The following TNFRSF19 variants were observed in gnomAD, a reference collection of about 807,000 sequenced individuals.
The protein encoded by TNFRSF19 is TNF receptor superfamily member 19, also known as tumor necrosis factor receptor superfamily member 19.
TNFRSF19 carries 27 observed loss-of-function variants against 46.4 expected under a neutral mutation model. The observed-to-expected ratio is 0.58, with a 90% CI of 0.43 to 0.80. The LOEUF is 0.80. Ranked by LOEUF, TNFRSF19 falls within the 30% of genes least tolerant of loss-of-function variation. The pLI is 0.00. For synonymous variants in TNFRSF19, 204 were observed against 205.0 expected (o/e 1.00, Z 0.04); for missense variants, 511 against 530.8 (o/e 0.96, Z 0.37).
chr13:23,631,400 G>C (rs75945904), intron 5 of TNFRSF19, among the ~76,000 whole-genome samples: 4 of 152,048 alleles, frequency 2.6e-5, no homozygotes, highest in African/African-American at 9.7e-5. Context: ...TTGCCACTTC[G>C]GATATACTTT....
intron 5 of TNFRSF19, among the ~76,000 whole-genome samples, chr13:23,652,115 G>C (rs1173118920): frequency 6.6e-6 from 1 of 152,108 alleles, no homozygotes; most frequent in East Asian, 1.9e-4. Flanking sequence ...TGGTAGCTGT[G>C]ATGGTGTTGA....
At chr13:23,594,360 AT>A (rs1372964985) in intron 3 of TNFRSF19, 2 of 435,540 alleles carry the variant, frequency 4.6e-6, no homozygotes. Context: ...CTGGCTTGAA[AT>A]TCTCACTGCC....
intron 4 of TNFRSF19, among the ~76,000 whole-genome samples, chr13:23,617,975 G>A (rs756293105): frequency 2.6e-5 from 4 of 152,126 alleles, no homozygotes; most frequent in Non-Finnish European, 5.9e-5. Context: ...GTCTTGTTGA[G>A]GCCAGAGAGG....
chr13:23,589,977 TATAAA>T (rs1380625410), intron 1 of TNFRSF19, among the ~76,000 whole-genome samples, 168 bp from the exon 2 acceptor site: 2 of 152,300 alleles, frequency 1.3e-5, no homozygotes, highest in Middle Eastern at 3.4e-3. Flanking sequence ...TAATATGAGT[TATAAA>T]ATAATTATAT....
intron 1 of TNFRSF19, among the ~76,000 whole-genome samples, chr13:23,573,772 A>G (rs940840595): frequency 1.3e-5 from 2 of 152,106 alleles, no homozygotes; most frequent in Admixed American, 6.6e-5. Context: ...TTGAAAAAAT[A>G]TATCTTGGGG....
At chr13:23,634,163 G>A (rs565669167) in intron 5 of TNFRSF19, among the ~76,000 whole-genome samples, 1 of 152,282 alleles carries the variant, frequency 6.6e-6, no homozygotes, top group South Asian at 2.1e-4. Context: ...CCATAAAGTT[G>A]CTAAATATTT....
At chr13:23,624,248 CT>C (rs988798587) in intron 4 of TNFRSF19, among the ~76,000 whole-genome samples, 2 of 151,572 alleles carry the variant, frequency 1.3e-5, no homozygotes, top group African/African-American at 4.8e-5. Flanking sequence ...AGTTGTCTGT[CT>C]TTATGCCAGT....
intron 5 of TNFRSF19, among the ~76,000 whole-genome samples, chr13:23,654,197 C>G (rs750411344): frequency 2.6e-5 from 4 of 152,128 alleles, no homozygotes; most frequent in Non-Finnish European, 4.4e-5. Flanking sequence ...GGTTTTTAAA[C>G]ATTGCATAGT....
rs148702020 is a variant in TNFRSF19 at position 23,626,773 on chromosome 13, T to C, written c.426T>C (p.Pro142=). Residue 142 remains proline (P), a synonymous_variant, in exon 5 of 10, where the codon CCT becomes CCC. Coordinates refer to ENST00000248484, the MANE Select transcript of TNFRSF19 (RefSeq NM_148957.4). The part of the protein sequence containing the change: ...DMECVPCGDP[P]PPYEPHCASK... ...AGTGTGTGCCTTGTGGAGACCCTCC[T>C]CCTCCTTACGAACCGCACTGTGAGT... The C allele has an allele frequency of 2.1e-4, 334 of 1,614,126 alleles. No individual in the cohort carries two copies. In the African/African-American group the frequency reaches 4.0e-3, roughly 19 times the overall value.
At chr13:23,672,054 C>A (rs570955244) in intron 9 of TNFRSF19, among the ~76,000 whole-genome samples, 2 of 152,266 alleles carry the variant, frequency 1.3e-5, no homozygotes, top group African/African-American at 4.8e-5. Flanking sequence ...GGCCAAACAG[C>A]ACTTCTGTCT....
At chr13:23,646,139 C>G (rs572096576) in intron 5 of TNFRSF19, among the ~76,000 whole-genome samples, 1 of 151,968 alleles carries the variant, frequency 6.6e-6, no homozygotes, top group Non-Finnish European at 1.5e-5. Flanking sequence ...CAGTGCGGCA[C>G]CCCCCGGCCT....
intron 3 of TNFRSF19, among the ~76,000 whole-genome samples, chr13:23,610,184 A>T (rs575500118): frequency 2.9e-4 from 44 of 152,314 alleles, no homozygotes; most frequent in African/African-American, 1.0e-3. Flanking sequence ...CTTTCAACCC[A>T]AGGCCCAGAA....
At chr13:23,610,266 G>A (rs1880803603) in intron 3 of TNFRSF19, among the ~76,000 whole-genome samples, 1 of 152,206 alleles carries the variant, frequency 6.6e-6, no homozygotes, top group Non-Finnish European at 1.5e-5. Flanking sequence ...CAACCTGTAG[G>A]TAGGACCCGC....
chr13:23,606,955 A>C (rs1302540556), intron 3 of TNFRSF19, among the ~76,000 whole-genome samples: 1 of 152,184 alleles, frequency 6.6e-6, no homozygotes, highest in Non-Finnish European at 1.5e-5. Flanking sequence ...GGAAAGAAAA[A>C]TAAGTTATGA....
At chr13:23,662,940 T>C (rs1194680065) in intron 7 of TNFRSF19, among the ~76,000 whole-genome samples, 2 of 152,214 alleles carry the variant, frequency 1.3e-5, no homozygotes, top group East Asian at 3.8e-4. Context: ...GTTTTCTAGA[T>C]ATAGAATCAT....
chr13:23,646,283 A>G (rs1174277696), intron 5 of TNFRSF19, among the ~76,000 whole-genome samples: 1 of 152,194 alleles, frequency 6.6e-6, no homozygotes, highest in Non-Finnish European at 1.5e-5. Flanking sequence ...GGGAAAACAT[A>G]TATAACATAA....
chr13:23,598,359 A>G (rs1278458185), intron 3 of TNFRSF19, among the ~76,000 whole-genome samples: 2 of 152,190 alleles, frequency 1.3e-5, no homozygotes, highest in Non-Finnish European at 2.9e-5. Context: ...CGTTCTGCAC[A>G]TGTATCCCAG....
intron 4 of TNFRSF19, among the ~76,000 whole-genome samples, chr13:23,625,248 C>G (rs1370937449): frequency 6.6e-6 from 1 of 151,932 alleles, no homozygotes; most frequent in Non-Finnish European, 1.5e-5. Flanking sequence ...TTGGGTCTAC[C>G]CTGATTGGTT....
intron 2 of TNFRSF19, 37 bp from the exon 3 acceptor site, chr13:23,593,308 A>AT: frequency 7.6e-7 from 1 of 1,316,232 alleles, no homozygotes; most frequent in Non-Finnish European, 1.1e-6. Flanking sequence ...TGTTTAACAT[A>AT]CTTTAAGATA....
Sources: allele counts gnomAD v4.1 joint callset (sites outside exome capture counted in the v4.1 genomes callset), GRCh38; gene constraint gnomAD v4.1.1; transcripts MANE v1.5; gene names NCBI Gene and HGNC (gene_info 2026-07-23, HGNC 2026-07-21).